Variants in ATG4A observed in about 807,000 individuals in gnomAD.
The protein encoded by ATG4A is cysteine protease ATG4A.
Under a neutral mutation model 38.4 loss-of-function variants are expected in ATG4A, and 22 were observed. That is an observed-to-expected ratio of 0.57 (90% confidence interval 0.41 to 0.82). The LOEUF is 0.82. ATG4A is among the 40% of genes least tolerant of loss of function. The pLI is 0.00. For synonymous variants in ATG4A, 86 were observed against 100.7 expected (o/e 0.85, Z 0.88); for missense variants, 220 against 290.0 (o/e 0.76, Z 1.75).
At chrX:108,140,913 CATATACAT>C (rs1441864259) in intron 9 of ATG4A, among the ~76,000 whole-genome samples, 1 of 80,721 alleles carries the variant, frequency 1.2e-5, no homozygotes, top group Admixed American at 1.4e-4. Flanking sequence ...ATTACATGTA[CATATACAT>C]ATATACATAT....
At chrX:108,139,606 A>G (rs1342086397) in intron 9 of ATG4A, among the ~76,000 whole-genome samples, 2 of 112,649 alleles carry the variant, frequency 1.8e-5, no homozygotes, top group Non-Finnish European at 3.8e-5. Flanking sequence ...TAAGTATAAA[A>G]CCTAGTGTTT....
chrX:108,090,508 G>A (rs996682236), upstream of ATG4A, among the ~76,000 whole-genome samples: 1 of 111,932 alleles, frequency 8.9e-6, no homozygotes, highest in Non-Finnish European at 1.9e-5. Flanking sequence ...TAAAGATAAG[G>A]CCATTTTCAG....
intron 1 of ATG4A, among the ~76,000 whole-genome samples, chrX:108,118,669 A>G (rs757342450): frequency 9.1e-6 from 1 of 109,606 alleles, no homozygotes; most frequent in Non-Finnish European, 1.9e-5. Context: ...AACCTACCCC[A>G]CTCTCCAATG....
rs775675282 is a variant in ATG4A, at chrX:108,119,148, A to G, written c.11-6929A>G. On this transcript the variant is annotated intron_variant, in intron 1 of 12. Coordinates refer to ENST00000372232, the MANE Select transcript of ATG4A (RefSeq NM_052936.5). ...CTAACACCCCATCCTGCCTCCACGT[A>G]CTACAGAACCATAAAAAACTCCTTA... is the stretch of plus-strand genomic sequence containing the variant. Among the ~76,000 whole-genome samples, 4 of 111,708 alleles carry G rather than the reference A, an allele frequency of 3.6e-5. No individual in the cohort carries two copies. The East Asian group carries it at 1.1e-3, about 32-fold the overall frequency.
intron 2 of ATG4A, among the ~76,000 whole-genome samples, chrX:108,127,694 A>G (rs1375239614): frequency 1.8e-5 from 2 of 112,385 alleles, no homozygotes; most frequent in Non-Finnish European, 3.8e-5. Context: ...ATTTGCTCCA[A>G]AGAAAAGGAA....
chrX:108,130,199 C>T (rs1319654782), intron 3 of ATG4A, among the ~76,000 whole-genome samples: 1 of 111,445 alleles, frequency 9.0e-6, no homozygotes, highest in Non-Finnish European at 1.9e-5. Context: ...GTCCCCACAA[C>T]TAAAAGAAAG....
chrX:108,091,582 C>T, upstream of ATG4A: 2 of 1,078,206 alleles, frequency 1.9e-6, no homozygotes, highest in Non-Finnish European at 2.6e-6. Flanking sequence ...CCGGCTCCGG[C>T]TACGCCAGTC....
chrX:108,131,195 T>C, intron 3 of ATG4A, 65 bp from the exon 4 acceptor site: 2 of 1,004,700 alleles, frequency 2.0e-6, no homozygotes, highest in Non-Finnish European at 2.8e-6. Flanking sequence ...GTCCCAAATA[T>C]GCTGATGTTT....
At chrX:108,152,595 A>G (rs1264294219) in intron 11 of ATG4A, among the ~76,000 whole-genome samples, 1 of 111,961 alleles carries the variant, frequency 8.9e-6, no homozygotes, top group Non-Finnish European at 1.9e-5. Context: ...AACCATGCCA[A>G]TATGTAGCAA....
Position 108,134,388 on chromosome X carries a change from A to G in ATG4A, c.444A>G (p.Pro148=). 1 of 1,211,124 alleles carries G rather than the reference A, an allele frequency of 8.3e-7. No individual in the cohort carries two copies. Among genetic ancestry groups the G allele is most frequent in the Non-Finnish European group, 1.1e-6 (1 of 894,912 alleles). The change falls in exon 6 of 13, where the codon CCA becomes CCG. Residue 148 remains proline (P), a synonymous_variant. Coordinates refer to ENST00000372232, the MANE Select transcript of ATG4A (RefSeq NM_052936.5). ...EGKSIGEWFG[P]NTVAQVLKKL... ...AATCAATTGGAGAATGGTTTGGACCAAATACAGTTGCACAGGTGTTAAAGT... is the reference window on the plus strand; with the variant it reads ...AATCAATTGGAGAATGGTTTGGACCGAATACAGTTGCACAGGTGTTAAAGT...
intron 1 of ATG4A, among the ~76,000 whole-genome samples, chrX:108,093,767 G>A (rs1471427892): frequency 1.8e-5 from 2 of 111,600 alleles, no homozygotes. Flanking sequence ...ATTCTAAGTG[G>A]GTGTGAAGTG....
intron 7 of ATG4A, 29 bp from the exon 8 acceptor site, chrX:108,137,775 T>TATCC (rs1468670053): frequency 1.7e-5 from 19 of 1,128,143 alleles, no homozygotes; most frequent in Non-Finnish European, 2.2e-5. Flanking sequence ...ACTCCTTACT[T>TATCC]ATCCAATATT....
chrX:108,122,697 C>T (rs1394971277), intron 1 of ATG4A, among the ~76,000 whole-genome samples: 1 of 111,877 alleles, frequency 8.9e-6, no homozygotes, highest in Admixed American at 9.5e-5. Flanking sequence ...TGACACAGAG[C>T]TACAGAAAGC....
chrX:108,125,580 G>A (rs1444676143), intron 1 of ATG4A, among the ~76,000 whole-genome samples: 1 of 111,981 alleles, frequency 8.9e-6, no homozygotes, highest in Non-Finnish European at 1.9e-5. Flanking sequence ...AAAACATCTG[G>A]CCTTTCAGCT....
chrX:108,101,846 C>G (rs1189073314), intron 1 of ATG4A, among the ~76,000 whole-genome samples: 1 of 108,808 alleles, frequency 9.2e-6, no homozygotes, highest in Non-Finnish European at 1.9e-5. Flanking sequence ...CCTTCTGTGT[C>G]TGGCTTATTT....
At position 108,128,797 on chromosome X, in the gene ATG4A, G is replaced by A; in HGVS notation, c.138G>A (p.Leu46=). The A allele has an allele frequency of 2.5e-6, 3 of 1,177,766 alleles. No homozygotes were observed. The highest frequency in any genetic ancestry group is 3.4e-6 in the Non-Finnish European group (3 of 879,178). Reference sequence around the variant, plus strand: ...TAATTACAGAAAAATCTAAGCTGTTGTCTGATATAAGTGCTCGTCTATGGT... The same window carrying A: ...TAATTACAGAAAAATCTAAGCTGTTATCTGATATAAGTGCTCGTCTATGGT... The part of the protein sequence containing the change: ...HLLKTEKSKL[L]SDISARLWFT... The change falls in exon 3 of 13, where the codon TTG becomes TTA. Residue 46 remains leucine, a synonymous_variant. Transcript: ENST00000372232.
intron 12 of ATG4A, 57 bp from the exon 13 acceptor site, chrX:108,153,585 G>A (rs2017219157): frequency 1.0e-6 from 1 of 964,250 alleles, no homozygotes; most frequent in Non-Finnish European, 1.5e-6. Flanking sequence ...AGTATTTACT[G>A]ACCACTTCAA....
chrX:108,113,828 C>T (rs932565654), intron 1 of ATG4A, among the ~76,000 whole-genome samples: 1 of 111,698 alleles, frequency 9.0e-6, no homozygotes, highest in South Asian at 3.8e-4. Context: ...TCTATTACCT[C>T]CCTCTGGGTC....
At chrX:108,091,384 G>A, upstream of ATG4A, 1 of 1,193,481 alleles carries the variant, frequency 8.4e-7, no homozygotes, top group South Asian at 1.8e-5. Context: ...CGCCGACTGC[G>A]GAGAGACCTA....
Sources: allele counts gnomAD v4.1 joint callset (sites outside exome capture counted in the v4.1 genomes callset), GRCh38; gene constraint gnomAD v4.1.1; transcripts MANE v1.5; gene names NCBI Gene and HGNC (gene_info 2026-07-23, HGNC 2026-07-21).